The following RHOU variants were observed in gnomAD, a reference collection of about 807,000 sequenced individuals.
RHOU encodes the protein ras homolog family member U, also known as rho-related GTP-binding protein RhoU.
A neutral mutation model predicts 12.6 loss-of-function variants in RHOU; 8 were observed. The observed-to-expected ratio is 0.64, with a 90% CI of 0.37 to 1.15. The LOEUF (loss-of-function observed/expected upper bound fraction) is 1.15, where lower values mean the gene tolerates loss of function less well. Ranked by LOEUF, RHOU falls within the 50% of genes most tolerant of loss-of-function variation. RHOU has a pLI of 0.01. For missense variants in RHOU, 258 were observed against 347.0 expected, an observed-to-expected ratio of 0.74 and a Z score of 2.04; for synonymous variants, 161 against 147.4, an observed-to-expected ratio of 1.09 and a Z score of -0.67.
chr1:228,685,840 G>A, the RHOU span, among the ~76,000 whole-genome samples: 3 of 152,124 alleles, frequency 2.0e-5, no homozygotes, highest in South Asian at 4.1e-4. Flanking sequence ...TTTGTCTACC[G>A]ACTCCTTTCT....
chr1:228,735,931 G>C lies in RHOU; in HGVS notation c.189G>C (p.Thr63=). 1 of 1,571,202 alleles carries C rather than the reference G, an allele frequency of 6.4e-7. No homozygotes were observed. Among genetic ancestry groups the C allele is most frequent in the Non-Finnish European group, 8.6e-7 (1 of 1,162,518 alleles). Residue 63 remains threonine (T), a synonymous_variant, in exon 1 of 3, where the codon ACG becomes ACC. Transcript: ENST00000366691. This position sits in a 1 kb window ranked among gnomAD's most constrained non-coding sequence, Gnocchi z 8.1. The part of the protein sequence containing the change: ...VLVGDGAVGK[T]SLVVSYTTNG... ...TCGGCGACGGCGCGGTGGGCAAGAC[G>C]AGCCTGGTGGTGAGCTACACCACCA...
the RHOU span, among the ~76,000 whole-genome samples, chr1:228,692,913 AAT>A: frequency 6.6e-6 from 1 of 152,182 alleles, no homozygotes; most frequent in Non-Finnish European, 1.5e-5. Context: ...CAAGCTCCCC[AAT>A]ATATTATTAT....
chr1:228,663,937 T>C, the RHOU span, among the ~76,000 whole-genome samples: 1 of 144,892 alleles, frequency 6.9e-6, no homozygotes, highest in African/African-American at 2.6e-5. Flanking sequence ...CCGGCCAACA[T>C]AGCTGGATTT....
At chr1:228,731,323 C>T (rs979132565), upstream of RHOU, among the ~76,000 whole-genome samples, 52 of 152,160 alleles carry the variant, frequency 3.4e-4, no homozygotes, top group Non-Finnish European at 1.6e-4. Context: ...TGCTTTCCTA[C>T]GTTGCCTGTA....
the RHOU span, among the ~76,000 whole-genome samples, chr1:228,677,642 G>A: frequency 6.6e-6 from 1 of 152,124 alleles, no homozygotes; most frequent in African/African-American, 2.4e-5. Flanking sequence ...AGATAGCTGC[G>A]GAGAGGTAGA....
chr1:228,696,983 G>T, the RHOU span, among the ~76,000 whole-genome samples: 1 of 152,074 alleles, frequency 6.6e-6, no homozygotes, highest in Admixed American at 6.5e-5. Flanking sequence ...TCCCCCTGAA[G>T]TTTGAATTCC....
chr1:228,733,652 G>A (rs1662538217), upstream of RHOU, among the ~76,000 whole-genome samples: 1 of 152,194 alleles, frequency 6.6e-6, no homozygotes, highest in East Asian at 1.9e-4. Context: ...CTAGCTTCCA[G>A]CTCTGCCCAT....
At chr1:228,715,914 AC>A in the RHOU span, among the ~76,000 whole-genome samples, 1 of 145,472 alleles carries the variant, frequency 6.9e-6, no homozygotes, top group African/African-American at 2.5e-5. Context: ...AAAAGTATGA[AC>A]TTTTTTTTTT....
intron 2 of RHOU, among the ~76,000 whole-genome samples, chr1:228,739,063 G>C (rs752720913): frequency 6.6e-6 from 1 of 152,176 alleles, no homozygotes; most frequent in Non-Finnish European, 1.5e-5. Context: ...TGAGGCTGTA[G>C]TGAGCTATGA....
the RHOU span, among the ~76,000 whole-genome samples, chr1:228,717,991 G>T: frequency 6.6e-6 from 1 of 152,106 alleles, no homozygotes; most frequent in Non-Finnish European, 1.5e-5. Context: ...ATTTCATCTG[G>T]GCTGACCTCC....
chr1:228,713,793 G>T, the RHOU span, among the ~76,000 whole-genome samples: 1 of 152,186 alleles, frequency 6.6e-6, no homozygotes, highest in Admixed American at 6.5e-5. Context: ...GGCATTGGAA[G>T]TGGGAGCAGT....
chr1:228,719,212 G>A, the RHOU span, among the ~76,000 whole-genome samples: 1 of 152,022 alleles, frequency 6.6e-6, no homozygotes, highest in Non-Finnish European at 1.5e-5. Flanking sequence ...CTATCCATTG[G>A]TTGATCAATC....
the RHOU span, among the ~76,000 whole-genome samples, chr1:228,680,902 G>C: frequency 1.3e-5 from 2 of 152,186 alleles, no homozygotes; most frequent in Non-Finnish European, 2.9e-5. Context: ...GAATCTGCCT[G>C]ATAGTTCCAT....
In RHOU at chr1:228,735,589, A is replaced by T; in HGVS notation, c.-154A>T. The T allele has an allele frequency of 2.1e-6, 1 of 484,380 alleles. No individual in the cohort carries two copies. The highest frequency in any genetic ancestry group is 3.0e-6 in the Non-Finnish European group (1 of 329,900). 30.0% of individuals were successfully genotyped at this position (484,380 alleles called of 1,614,324 possible). A position where few individuals can be genotyped will look rare whatever the true frequency, so the allele number is the denominator to read the frequency against. On this transcript the variant is annotated 5_prime_UTR_variant, in exon 1 of 3. Transcript: ENST00000366691. The surrounding 1 kb of genome is among the most constrained non-coding windows in gnomAD (Gnocchi z 8.1). ...CGACCCTCCCTGGCCGCCTTTGTCT[A>T]CTGGCCGTGCGGCCCGGAACCGCCA...
At chr1:228,651,146 G>A in the RHOU span, 1 of 209,370 alleles carries the variant, frequency 4.8e-6, no homozygotes, top group Non-Finnish European at 1.0e-5. Flanking sequence ...TGGCTTCATG[G>A]GCCAGCTCCT....
chr1:228,705,298 T>C, the RHOU span, among the ~76,000 whole-genome samples: 1 of 152,188 alleles, frequency 6.6e-6, no homozygotes, highest in African/African-American at 2.4e-5. Flanking sequence ...TCCACTGTAA[T>C]TTTAAATTAC....
the RHOU span, among the ~76,000 whole-genome samples, chr1:228,707,230 C>T: frequency 1.2e-3 from 56 of 45,608 alleles, no homozygotes; most frequent in Admixed American, 1.6e-3. Context: ...TATATATATA[C>T]ATATGTATAT....
the RHOU span, among the ~76,000 whole-genome samples, chr1:228,719,738 A>G: frequency 6.6e-6 from 1 of 152,156 alleles, no homozygotes; most frequent in Non-Finnish European, 1.5e-5. Flanking sequence ...TTAAAACAAA[A>G]CAAAAAACAT....
At chr1:228,648,495 G>A in the RHOU span, among the ~76,000 whole-genome samples, 2 of 152,198 alleles carry the variant, frequency 1.3e-5, no homozygotes, top group Non-Finnish European at 2.9e-5. Flanking sequence ...TTGCCTTGCG[G>A]CGGGGGGATT....
Sources: allele counts gnomAD v4.1 joint callset (sites outside exome capture counted in the v4.1 genomes callset), GRCh38; gene constraint gnomAD v4.1.1; non-coding constraint Gnocchi (gnomAD v3.1); transcripts MANE v1.5; gene names NCBI Gene and HGNC (gene_info 2026-07-23, HGNC 2026-07-21).